The following CLGN variants were observed in gnomAD, a reference collection of about 807,000 sequenced individuals.
CLGN encodes calmegin.
A neutral mutation model predicts 79.1 loss-of-function variants in CLGN; 62 were observed. That is an observed-to-expected ratio of 0.78 (90% CI 0.64 to 0.97). The LOEUF (loss-of-function observed/expected upper bound fraction) is 0.97, where lower values mean the gene tolerates loss of function less well. Among genes scored for constraint, CLGN ranks in the 50% least tolerant of loss-of-function variants. CLGN has a pLI of 0.00. For synonymous variants in CLGN, 225 were observed against 224.7 expected (o/e 1.00, Z -0.01); for missense variants, 647 against 715.5 (o/e 0.90, Z 1.09).
chr4:140,396,224 A>G lies in CLGN; in HGVS notation c.885-19T>C. On this transcript the variant is annotated intron_variant, in intron 8 of 14. Coordinates refer to ENST00000325617, the MANE Select transcript of CLGN (RefSeq NM_004362.3). The stretch of plus-strand genomic sequence containing the variant: ...TTCATCCCTGTAAATACAACGTTTT[A>G]TATTACTAATTATTCAGAAAGTTTA... The G allele has an allele frequency of 6.5e-7, 1 of 1,544,038 alleles. No homozygotes were observed. Among genetic ancestry groups the G allele is most frequent in the South Asian group, 1.1e-5 (1 of 89,272 alleles).
chr4:140,392,481 T>TA (rs1377720590), intron 12 of CLGN, 103 bp from the exon 13 acceptor site: 25 of 1,483,050 alleles, frequency 1.7e-5, no homozygotes, highest in Admixed American at 2.3e-5. Context: ...CAGTAAAACT[T>TA]ATGAGACATT....
intron 4 of CLGN, among the ~76,000 whole-genome samples, chr4:140,408,957 G>A (rs1469286928): frequency 2.7e-5 from 4 of 150,380 alleles, no homozygotes; most frequent in African/African-American, 9.8e-5. Context: ...GTATATATGT[G>A]TATATATATA....
At chr4:140,401,601 C>T (rs1345065869) in intron 6 of CLGN, among the ~76,000 whole-genome samples, 1 of 152,100 alleles carries the variant, frequency 6.6e-6, no homozygotes, top group Non-Finnish European at 1.5e-5. Context: ...TTGCTAACCC[C>T]TTTTAATTTG....
chr4:140,394,184 T>C (rs1728827419), intron 10 of CLGN, 143 bp from the exon 11 acceptor site: 1 of 607,170 alleles, frequency 1.6e-6, no homozygotes, highest in Non-Finnish European at 2.9e-6. Context: ...ATTAGTAATA[T>C]ACTGGATATA....
At chr4:140,405,411 C>G (rs1729087951) in intron 5 of CLGN, among the ~76,000 whole-genome samples, 1 of 150,498 alleles carries the variant, frequency 6.6e-6, no homozygotes, top group African/African-American at 2.4e-5. Flanking sequence ...GTCTCGATCT[C>G]CTGACCTCGT....
intron 5 of CLGN, among the ~76,000 whole-genome samples, chr4:140,404,283 C>A (rs7659780): frequency 6.6e-6 from 1 of 151,812 alleles, no homozygotes; most frequent in Non-Finnish European, 1.5e-5. Flanking sequence ...TTAGTAGAGA[C>A]AGGGTTTCAC....
intron 13 of CLGN, 33 bp downstream of exon 13, chr4:140,392,186 A>G: frequency 1.9e-6 from 3 of 1,605,354 alleles, no homozygotes; most frequent in Non-Finnish European, 2.5e-6. Context: ...CTTTACCCAG[A>G]GTCTCCATTA....
intron 8 of CLGN, 35 bp downstream of exon 8, chr4:140,398,816 C>A: frequency 6.3e-7 from 1 of 1,581,226 alleles, no homozygotes; most frequent in East Asian, 2.2e-5. Context: ...CCTAGTTATG[C>A]CAGATAATGC....
chr4:140,419,454 G>A (rs2126633790), intron 1 of CLGN, among the ~76,000 whole-genome samples: 1 of 152,144 alleles, frequency 6.6e-6, no homozygotes, highest in Admixed American at 6.6e-5. Flanking sequence ...CACTGAAATT[G>A]TTTTTATTAT....
rs572957929 is a variant in CLGN at position 140,410,592 on chromosome 4, A to G, written c.179T>C (p.Val60Ala). The change falls in exon 3 of 15, where the codon GTA becomes GCA. Residue 60 changes from valine to alanine, a missense_variant. By Grantham distance (64) the Val-to-Ala change is moderately conservative. Transcript: ENST00000325617. ...KYKTPQPIGE[V>A]YFAETFDSGR... ...ACTATCAAAAGTTTCTGCAAAATAT[A>G]CTTCTCCTATAGGTTGAGGTGTCTT... 10 of 1,603,346 alleles carry G rather than the reference A, an allele frequency of 6.2e-6. No individual in the cohort carries two copies. In the African/African-American group the frequency reaches 1.3e-4, roughly 21 times the overall value.
chr4:140,405,986 T>C lies in CLGN; in HGVS notation c.375A>G (p.Val125=). The C allele has an allele frequency of 6.2e-7, 1 of 1,613,482 alleles. No individual in the cohort carries two copies. The highest frequency in any genetic ancestry group is 8.5e-7 in the Non-Finnish European group (1 of 1,179,728). The change falls in exon 5 of 15, where the codon GTA becomes GTG. Residue 125 remains valine (V), a synonymous_variant. Transcript: ENST00000325617. ...SRAKHHAISA[V]LAKPFIFADK... ...CAGCAAAAATGAATGGTTTTGCTAA[T>C]ACAGCAGATATTGCATGATGCTTTG...
chr4:140,427,334 C>T (rs370237539), intron 1 of CLGN, among the ~76,000 whole-genome samples: 7 of 152,298 alleles, frequency 4.6e-5, no homozygotes, highest in African/African-American at 1.7e-4. Context: ...CCCACGGGGC[C>T]GCCAGAGCCC....
In CLGN at chr4:140,398,890, G is replaced by T; in HGVS notation, c.845C>A (p.Ala282Glu). The T allele has an allele frequency of 6.2e-7, 1 of 1,613,664 alleles. No individual in the cohort carries two copies. The highest frequency in any genetic ancestry group is 8.5e-7 in the Non-Finnish European group (1 of 1,179,854). The change falls in exon 8 of 15, where the codon GCA becomes GAA. Residue 282 changes from alanine to glutamate, a missense_variant. Ala to Glu is a moderately radical substitution (Grantham distance 107). Coordinates refer to ENST00000325617, the MANE Select transcript of CLGN (RefSeq NM_004362.3). ...GACGGCAGAAGGATCAGGAATTTTT[G>T]CTCTTTCATCCCATTCCTCAGGTTT... ...DKKPEEWDER[A>E]KIPDPSAVKP...
intron 1 of CLGN, among the ~76,000 whole-genome samples, chr4:140,414,343 G>T (rs1456184723): frequency 6.6e-6 from 1 of 151,674 alleles, no homozygotes; most frequent in Non-Finnish European, 1.5e-5. Context: ...GAACAAAGCT[G>T]GATGGAGAAT....
intron 2 of CLGN, among the ~76,000 whole-genome samples, chr4:140,412,599 C>G (rs545025963): frequency 6.6e-6 from 1 of 152,068 alleles, no homozygotes; most frequent in South Asian, 2.1e-4. Flanking sequence ...AATTATATAG[C>G]CTTTTATTTG....
chr4:140,390,848 G>T, intron 13 of CLGN, 120 bp from the exon 14 acceptor site: 1 of 500,008 alleles, frequency 2.0e-6, no homozygotes, highest in South Asian at 5.1e-5. Flanking sequence ...AGATTTAGAA[G>T]CAACTTCTTC....
At chr4:140,393,222 G>A (rs1387007712) in intron 11 of CLGN, among the ~76,000 whole-genome samples, 1 of 151,938 alleles carries the variant, frequency 6.6e-6, no homozygotes, top group Non-Finnish European at 1.5e-5. Context: ...GTTACAAGAG[G>A]TTCAAAACAA....
chr4:140,402,306 C>G (rs368694881), intron 5 of CLGN, among the ~76,000 whole-genome samples: 2 of 151,830 alleles, frequency 1.3e-5, no homozygotes, highest in African/African-American at 4.8e-5. Context: ...TGCAGACAAA[C>G]CAATCAATTT....
intron 1 of CLGN, among the ~76,000 whole-genome samples, chr4:140,415,602 GA>G (rs2126630981): frequency 6.6e-6 from 1 of 150,704 alleles, no homozygotes; most frequent in South Asian, 2.1e-4. Flanking sequence ...AAGAGACAAA[GA>G]AGGCCATTAC....
Sources: allele counts gnomAD v4.1 joint callset (sites outside exome capture counted in the v4.1 genomes callset), GRCh38; gene constraint gnomAD v4.1.1; transcripts MANE v1.5; gene names NCBI Gene and HGNC (gene_info 2026-07-23, HGNC 2026-07-21).